The following VPS33B variants were observed in gnomAD, a reference collection of about 807,000 sequenced individuals.
VPS33B encodes the protein VPS33B late endosome and lysosome associated.
A neutral mutation model predicts 95.3 loss-of-function variants in VPS33B; 80 were observed. That is an observed-to-expected ratio of 0.84 (90% CI 0.70 to 1.01). The LOEUF (loss-of-function observed/expected upper bound fraction) is 1.01, where lower values mean the gene tolerates loss of function less well. Among genes scored for constraint, VPS33B ranks in the 50% least tolerant of loss-of-function variants. The pLI is 0.00. For synonymous variants in VPS33B, 280 were observed against 280.4 expected (o/e 1.00, Z 0.01); for missense variants, 715 against 773.4 (o/e 0.92, Z 0.90).
chr15:91,021,569 GA>G (rs2041102870), intron 1 of VPS33B, among the ~76,000 whole-genome samples: 1 of 152,188 alleles, frequency 6.6e-6, no homozygotes, highest in Non-Finnish European at 1.5e-5. Flanking sequence ...GCCACAAATG[GA>G]AAAAAAATTT....
rs770840773 is a variant in VPS33B at position 91,001,486 on chromosome 15, T to C, written c.1406-24A>G. On this transcript the variant is annotated intron_variant, in intron 18 of 22. Coordinates refer to ENST00000333371, the MANE Select transcript of VPS33B (RefSeq NM_018668.5). ...TCCTGGGGAAGAAATCTGTGTCAGG[T>C]TTCACCTAAGGTCTATGGATTCATG... 9 of 1,605,554 alleles carry C rather than the reference T, an allele frequency of 5.6e-6. No homozygotes were observed. The African/African-American group carries it at 9.4e-5, about 17-fold the overall frequency.
Position 91,016,955 on chromosome 15 carries a change from ACACT to A in VPS33B, c.239+4_239+7del. ...TTGGAGTAGGGACAGACTCTCCCAG[ACACT>A]CACTGTTCATTGGAGCTGAGGGCTG... is the stretch of plus-strand genomic sequence containing the variant. On this transcript the variant is annotated splice_donor_5th_base_variant and intron_variant, in intron 3 of 22. Coordinates refer to ENST00000333371, the MANE Select transcript of VPS33B (RefSeq NM_018668.5). 6.2e-7 allele frequency: 1 copy of A among 1,613,876 alleles called. No homozygotes were observed. The highest frequency in any genetic ancestry group is 8.5e-7 in the Non-Finnish European group (1 of 1,179,848).
chr15:91,017,521 G>C (rs769930340), intron 2 of VPS33B, among the ~76,000 whole-genome samples: 106 of 151,216 alleles, frequency 7.0e-4, no homozygotes, highest in Non-Finnish European at 1.2e-3. Context: ...TACTTGGGAA[G>C]CTGAGGCAGG....
In VPS33B at chr15:91,000,603, A is replaced by T; in HGVS notation, c.1480-12T>A. ...TCCACACGTGGGATCTGTAAGACAA[A>T]GGGACTTCATTAGGCAAGTGACAGC... On this transcript the variant is annotated splice_polypyrimidine_tract_variant and intron_variant, in intron 19 of 22. Coordinates refer to ENST00000333371, the MANE Select transcript of VPS33B (RefSeq NM_018668.5). The surrounding 1 kb of genome is among the most constrained non-coding windows in gnomAD (Gnocchi z 4.9). 6.2e-7 allele frequency: 1 copy of T among 1,610,462 alleles called. No homozygotes were observed. The highest frequency in any genetic ancestry group is 1.7e-4 in the Middle Eastern group (1 of 6,038).
rs2040789630 is a variant in VPS33B, at chr15:91,011,871, C to A, written c.357+1933G>T. ...ACGCACGGTGGTGCACATCTGTAGT[C>A]CCAGCTACTCGGGAAGCTGAGGCAG... On this transcript the variant is annotated intron_variant, in intron 5 of 22. Coordinates refer to ENST00000333371, the MANE Select transcript of VPS33B (RefSeq NM_018668.5). The surrounding 1 kb of genome is among the most constrained non-coding windows in gnomAD (Gnocchi z 5.5). Among the ~76,000 whole-genome samples, 1 of 152,022 alleles carries A rather than the reference C, an allele frequency of 6.6e-6. No individual in the cohort carries two copies. Among genetic ancestry groups the A allele is most frequent in the South Asian group, 2.1e-4 (1 of 4,816 alleles).
In VPS33B at chr15:91,000,111, G is replaced by T; in HGVS notation, c.1582-136C>A. On this transcript the variant is annotated intron_variant, in intron 20 of 22. Coordinates refer to ENST00000333371, the MANE Select transcript of VPS33B (RefSeq NM_018668.5). This position sits in a 1 kb window ranked among gnomAD's most constrained non-coding sequence, Gnocchi z 4.9. ...AAGTTGAGACAGGGCCAGGTGTGGT[G>T]GCTCACGCCTGTAATTCCAACACTT... 1 of 1,080,306 alleles carries T rather than the reference G, an allele frequency of 9.3e-7. No homozygotes were observed. Among genetic ancestry groups the T allele is most frequent in the Non-Finnish European group, 1.4e-6 (1 of 724,488 alleles). The allele number at this position is 1,080,306 out of a possible 1,614,324, so 66.9% of individuals were successfully genotyped here. A position where few individuals can be genotyped will look rare whatever the true frequency, so the allele number is the denominator to read the frequency against.
chr15:91,003,389 G>A (rs939997691), intron 16 of VPS33B, among the ~76,000 whole-genome samples: 1 of 152,192 alleles, frequency 6.6e-6, no homozygotes, highest in Non-Finnish European at 1.5e-5. Context: ...GATCGTAGTG[G>A]GATGTGGGGA....
rs1465244988 is a variant in VPS33B at position 91,007,754 on chromosome 15, A to G, written c.498+116T>C. On this transcript the variant is annotated intron_variant, in intron 7 of 22. Transcript: ENST00000333371. This position sits in a 1 kb window ranked among gnomAD's most constrained non-coding sequence, Gnocchi z 5.3. ...TGTAGCACTCAATCACCACATCACTATCACTTGTGATAAATTACTTGCGTT... is the reference window on the plus strand; with the variant it reads ...TGTAGCACTCAATCACCACATCACTGTCACTTGTGATAAATTACTTGCGTT... 1 of 1,187,738 alleles carries G rather than the reference A, an allele frequency of 8.4e-7. No individual in the cohort carries two copies. The highest frequency in any genetic ancestry group is 1.3e-6 in the Non-Finnish European group (1 of 796,328). 73.6% of individuals were successfully genotyped at this position (1,187,738 alleles called of 1,614,324 possible).
In VPS33B at chr15:91,011,139, G is replaced by A. The variant is rs2040767915; in HGVS notation, c.358-1293C>T. On this transcript the variant is annotated intron_variant, in intron 5 of 22. Coordinates refer to ENST00000333371, the MANE Select transcript of VPS33B (RefSeq NM_018668.5). This position sits in a 1 kb window ranked among gnomAD's most constrained non-coding sequence, Gnocchi z 5.5. ...GGCATGGAACAGCTCATCTTAGGAG[G>A]GAAAAGGCCACGATCTCTTCCTCCT... Among the ~76,000 whole-genome samples the A allele has an allele frequency of 6.6e-6, 1 of 152,200 alleles. No homozygotes were observed. Among genetic ancestry groups the A allele is most frequent in the Admixed American group, 6.5e-5 (1 of 15,284 alleles).
rs912949757 is a variant in VPS33B, at chr15:91,007,044, C to T, written c.606G>A (p.Met202Ile). 4 of 1,610,722 alleles carry T rather than the reference C, an allele frequency of 2.5e-6. No homozygotes were observed. In the African/African-American group the frequency reaches 4.0e-5, roughly 16 times the overall value. The change falls in exon 9 of 23, where the codon ATG becomes ATA. Residue 202 changes from methionine to isoleucine, a missense_variant and splice_region_variant. Physicochemically the swap from Met to Ile is conservative, Grantham distance 10. Coordinates refer to ENST00000333371, the MANE Select transcript of VPS33B (RefSeq NM_018668.5). This position sits in a 1 kb window ranked among gnomAD's most constrained non-coding sequence, Gnocchi z 5.3. ...NCYGIGRCAK[M>I]AYELWRNLEE... ...CCAGGTTCCTCCACAATTCATATGC[C>T]ATCTGCCAGGGCCCAAGACATTCTC...
rs2040744627 is a variant in VPS33B, at chr15:91,010,264, C to G, written c.358-418G>C. ...CATGCCCACGGGACCTTGGGAGACA[C>G]AGACAAGGACTTGGGATTAAGTAGC... is the stretch of plus-strand genomic sequence containing the variant. On this transcript the variant is annotated intron_variant, in intron 5 of 22. Transcript: ENST00000333371. The surrounding 1 kb of genome is among the most constrained non-coding windows in gnomAD (Gnocchi z 5.7). Among the ~76,000 whole-genome samples, 1 of 152,156 alleles carries G rather than the reference C, an allele frequency of 6.6e-6. No individual in the cohort carries two copies. Among genetic ancestry groups the G allele is most frequent in the African/African-American group, 2.4e-5 (1 of 41,428 alleles).
rs1360462093 is a variant in VPS33B at position 91,014,434 on chromosome 15, C to G, written c.240-1G>C. The G allele has an allele frequency of 6.8e-6, 11 of 1,611,636 alleles. No individual in the cohort carries two copies. Among genetic ancestry groups the G allele is most frequent in the Non-Finnish European group, 7.6e-6 (9 of 1,179,352 alleles). On this transcript the variant is annotated splice_acceptor_variant, in intron 3 of 22. Transcript: ENST00000333371. LOFTEE classifies it high-confidence loss of function. ...GCGGGGTCTGACCAAGAAGCACAAT[C>G]TATGAGAGAGAAAGAAAAAAAAACA...
chr15:91,016,375 CTT>C (rs796637381), intron 3 of VPS33B, among the ~76,000 whole-genome samples: 7 of 96,016 alleles, frequency 7.3e-5, no homozygotes, highest in Non-Finnish European at 1.2e-4. Context: ...GCAGATTCTT[CTT>C]TTTTTTTTTT....
chr15:91,004,740 C>T, intron 16 of VPS33B, 137 bp downstream of exon 16: 1 of 1,131,994 alleles, frequency 8.8e-7, no homozygotes, highest in Non-Finnish European at 1.3e-6. Context: ...TCACCCCAAA[C>T]AAAAAAGAAT....
In VPS33B at chr15:91,013,772, C is replaced by T; in HGVS notation, c.357+32G>A. 1 of 1,613,622 alleles carries T rather than the reference C, an allele frequency of 6.2e-7. No individual in the cohort carries two copies. Among genetic ancestry groups the T allele is most frequent in the South Asian group, 1.1e-5 (1 of 91,078 alleles). On this transcript the variant is annotated intron_variant, in intron 5 of 22. Transcript: ENST00000333371. The surrounding 1 kb of genome is among the most constrained non-coding windows in gnomAD (Gnocchi z 4.5). ...TGCCCGGTCCTCAGTCCTGTTCTACCTTATCCCACTTCCTCCAGGATCCAA... is the reference window on the plus strand; with the variant it reads ...TGCCCGGTCCTCAGTCCTGTTCTACTTTATCCCACTTCCTCCAGGATCCAA...
At chr15:91,021,803 T>A (rs2041110163) in intron 1 of VPS33B, among the ~76,000 whole-genome samples, 1 of 152,254 alleles carries the variant, frequency 6.6e-6, no homozygotes, top group African/African-American at 2.4e-5. Flanking sequence ...ACTAGCTCTA[T>A]CACTCATTTA....
chr15:91,006,586 A>C lies in VPS33B; in HGVS notation c.778+66T>G. On this transcript the variant is annotated intron_variant, in intron 10 of 22. Coordinates refer to ENST00000333371, the MANE Select transcript of VPS33B (RefSeq NM_018668.5). This position sits in a 1 kb window ranked among gnomAD's most constrained non-coding sequence, Gnocchi z 5.4. ...GGGTCTCTCCCACAAACCCTGCCCC[A>C]CGTGGGAGGTGCCAAGGCTGATGAC... is the stretch of plus-strand genomic sequence containing the variant. 1.2e-6 allele frequency: 2 copies of C among 1,610,282 alleles called. No homozygotes were observed. Among genetic ancestry groups the C allele is most frequent in the Non-Finnish European group, 1.7e-6 (2 of 1,176,484 alleles).
At chr15:91,003,152 A>G (rs1004529044) in intron 16 of VPS33B, 21 bp from the exon 17 acceptor site, 3 of 1,613,970 alleles carry the variant, frequency 1.9e-6, no homozygotes, top group African/African-American at 2.7e-5. Flanking sequence ...AGAAAATAAG[A>G]CAGGTGCATG....
intron 1 of VPS33B, among the ~76,000 whole-genome samples, chr15:91,020,978 TGCA>T (rs901938174): frequency 1.3e-5 from 2 of 152,230 alleles, no homozygotes; most frequent in Non-Finnish European, 2.9e-5. Context: ...ACAATGCAGC[TGCA>T]GTTCTACATT....
Sources: allele counts gnomAD v4.1 joint callset (sites outside exome capture counted in the v4.1 genomes callset), GRCh38; gene constraint gnomAD v4.1.1; non-coding constraint Gnocchi (gnomAD v3.1); transcripts MANE v1.5; gene names NCBI Gene and HGNC (gene_info 2026-07-23, HGNC 2026-07-21).